KHDRBS3: variants seen among roughly 807,000 people sequenced by gnomAD.
KHDRBS3 encodes the protein KH domain-containing, RNA-binding, signal transduction-associated protein 3.
KHDRBS3 carries 23 observed loss-of-function variants against 45.6 expected under a neutral mutation model. The ratio of observed to expected loss-of-function variants is 0.50; its 90% confidence interval spans 0.36 to 0.72. KHDRBS3 has a LOEUF of 0.72. Ranked by LOEUF, KHDRBS3 falls within the 30% of genes least tolerant of loss-of-function variation. The pLI is 0.00. For synonymous variants in KHDRBS3, 162 were observed against 156.5 expected (o/e 1.04, Z -0.26); for missense variants, 352 against 424.8 (o/e 0.83, Z 1.51).
At chr8:135,459,700 G>A (rs904594262) in intron 1 of KHDRBS3, among the ~76,000 whole-genome samples, 5 of 152,218 alleles carry the variant, frequency 3.3e-5, no homozygotes, top group African/African-American at 1.2e-4. Flanking sequence ...AGTACAGTGC[G>A]TTATCTTATT....
chr8:135,545,062 T>G (rs1826224691), intron 3 of KHDRBS3, among the ~76,000 whole-genome samples: 1 of 152,074 alleles, frequency 6.6e-6, no homozygotes, highest in Non-Finnish European at 1.5e-5. Flanking sequence ...TCCGAGATCC[T>G]TGCTGGGATC....
intron 7 of KHDRBS3, among the ~76,000 whole-genome samples, chr8:135,608,654 C>G (rs6980778): frequency 0.058 from 8,875 of 152,196 alleles, 340 homozygotes; most frequent in African/African-American, 0.1. Context: ...GTTCTGTTCC[C>G]GTATCTGTTA....
intron 1 of KHDRBS3, among the ~76,000 whole-genome samples, chr8:135,520,012 C>T (rs753782740): frequency 6.6e-6 from 1 of 152,220 alleles, no homozygotes; most frequent in African/African-American, 2.4e-5. Flanking sequence ...TGCACAGGCA[C>T]CTTGTCTTTG....
At chr8:135,552,473 C>G (rs748583909) in intron 4 of KHDRBS3, among the ~76,000 whole-genome samples, 2 of 152,142 alleles carry the variant, frequency 1.3e-5, no homozygotes, top group Non-Finnish European at 2.9e-5. Flanking sequence ...CATCTGGGCC[C>G]TCTCCAAGAC....
chr8:135,618,999 A>T (rs1251580907), intron 7 of KHDRBS3, among the ~76,000 whole-genome samples: 1 of 152,184 alleles, frequency 6.6e-6, no homozygotes, highest in Non-Finnish European at 1.5e-5. Context: ...CTTCCAGCTC[A>T]CCTCATATCT....
Position 135,521,292 on chromosome 8 carries a change from G to A in KHDRBS3, c.144G>A (p.Val48=). 6.2e-7 allele frequency: 1 copy of A among 1,613,644 alleles called. No individual in the cohort carries two copies. The highest frequency in any genetic ancestry group is 8.5e-7 in the Non-Finnish European group (1 of 1,179,682). Residue 48 remains valine (V), a synonymous_variant, in exon 2 of 9, where the codon GTG becomes GTA. Transcript: ENST00000355849. ...AGGATGAAGAAAAGTACATCGATGT[G>A]GTGATTAATAAGAACATGAAGCTGG... ...EGKDEEKYID[V]VINKNMKLGQ...
intron 2 of KHDRBS3, 192 bp from the exon 3 acceptor site, chr8:135,542,462 G>T: frequency 8.0e-6 from 4 of 500,318 alleles, no homozygotes; most frequent in African/African-American, 2.0e-5. Context: ...ATATATCAGG[G>T]TTTTTTATTT....
At chr8:135,487,238 G>A (rs1381005901) in intron 1 of KHDRBS3, among the ~76,000 whole-genome samples, 1 of 152,132 alleles carries the variant, frequency 6.6e-6, no homozygotes, top group Non-Finnish European at 1.5e-5. Context: ...AAGAAACGTG[G>A]TTCCTCCTGC....
chr8:135,593,069 G>A (rs1828820264), intron 6 of KHDRBS3, among the ~76,000 whole-genome samples: 1 of 152,058 alleles, frequency 6.6e-6, no homozygotes, highest in Admixed American at 6.5e-5. Flanking sequence ...ATAAACTTGT[G>A]TTCAGTGATC....
intron 7 of KHDRBS3, among the ~76,000 whole-genome samples, chr8:135,634,443 T>G (rs564126664): frequency 2.6e-4 from 39 of 152,352 alleles, no homozygotes; most frequent in Non-Finnish European, 4.0e-4. Flanking sequence ...ATTCTCTGAT[T>G]AAACTATAAA....
At chr8:135,643,733 G>A (rs1204540244) in intron 7 of KHDRBS3, among the ~76,000 whole-genome samples, 1 of 152,242 alleles carries the variant, frequency 6.6e-6, no homozygotes, top group Non-Finnish European at 1.5e-5. Flanking sequence ...AGTCTGGCCT[G>A]TGTAGTCACA....
chr8:135,583,931 T>G (rs555436050), intron 6 of KHDRBS3, among the ~76,000 whole-genome samples: 1 of 152,320 alleles, frequency 6.6e-6, no homozygotes, highest in South Asian at 2.1e-4. Context: ...TTTGATTGTT[T>G]TATTTATTTT....
downstream of KHDRBS3, among the ~76,000 whole-genome samples, chr8:135,649,492 GC>G (rs958074425): frequency 6.6e-6 from 1 of 152,022 alleles, no homozygotes; most frequent in African/African-American, 2.4e-5. Context: ...TTCCCTAATA[GC>G]CAAAATTAGC....
intron 5 of KHDRBS3, among the ~76,000 whole-genome samples, chr8:135,572,602 C>A (rs1827755705): frequency 6.6e-6 from 1 of 152,198 alleles, no homozygotes; most frequent in Non-Finnish European, 1.5e-5. Flanking sequence ...TGCAGACCAG[C>A]AGCAGTGCTT....
At chr8:135,628,202 G>A (rs933094359) in intron 7 of KHDRBS3, among the ~76,000 whole-genome samples, 5 of 151,866 alleles carry the variant, frequency 3.3e-5, no homozygotes, top group African/African-American at 9.7e-5. Context: ...TGGGTTTCTC[G>A]GTATCATCAT....
At chr8:135,536,785 C>T (rs1825780406) in intron 2 of KHDRBS3, among the ~76,000 whole-genome samples, 1 of 149,410 alleles carries the variant, frequency 6.7e-6, no homozygotes, top group Admixed American at 6.7e-5. Context: ...AAGGTGAAAC[C>T]CCGTCTCTAC....
intron 2 of KHDRBS3, among the ~76,000 whole-genome samples, chr8:135,533,063 C>A (rs1825559064): frequency 6.6e-6 from 1 of 152,092 alleles, no homozygotes; most frequent in Non-Finnish European, 1.5e-5. Flanking sequence ...GATTTTTTTA[C>A]TTTATGATGG....
intron 6 of KHDRBS3, among the ~76,000 whole-genome samples, chr8:135,595,204 C>T (rs940819654): frequency 3.9e-5 from 6 of 152,088 alleles, no homozygotes; most frequent in Non-Finnish European, 8.8e-5. Flanking sequence ...TGGGGCAAGA[C>T]GGTGATTCAG....
At chr8:135,612,160 C>G (rs1000888946) in intron 7 of KHDRBS3, among the ~76,000 whole-genome samples, 10 of 151,866 alleles carry the variant, frequency 6.6e-5, no homozygotes, top group Non-Finnish European at 1.3e-4. Context: ...AAAACATTCT[C>G]TTTTATACTG....
Sources: allele counts gnomAD v4.1 joint callset (sites outside exome capture counted in the v4.1 genomes callset), GRCh38; gene constraint gnomAD v4.1.1; transcripts MANE v1.5; gene names NCBI Gene and HGNC (gene_info 2026-07-23, HGNC 2026-07-21).